ERC1: variants seen among roughly 807,000 people sequenced by gnomAD.
ERC1 encodes ELKS/RAB6-interacting/CAST family member 1.
ERC1 carries 56 observed loss-of-function variants against 132.0 expected under a neutral mutation model. That is an observed-to-expected ratio of 0.42 (90% confidence interval 0.34 to 0.53). The LOEUF is 0.53. Ranked by LOEUF, ERC1 falls within the 20% of genes least tolerant of loss-of-function variation. The pLI is 0.03. For synonymous variants in ERC1, 478 were observed against 476.1 expected (o/e 1.00, Z -0.05); for missense variants, 1,202 against 1,349.9 (o/e 0.89, Z 1.72).
chr12:1,037,264 A>G (rs1027783796), intron 2 of ERC1, among the ~76,000 whole-genome samples: 2 of 152,204 alleles, frequency 1.3e-5, no homozygotes, highest in Non-Finnish European at 2.9e-5. Context: ...AGTGCAGTGT[A>G]GTGTGTGATC....
At chr12:1,163,437 CA>C (rs1409671878) in intron 8 of ERC1, among the ~76,000 whole-genome samples, 2 of 152,106 alleles carry the variant, frequency 1.3e-5, no homozygotes, top group Non-Finnish European at 2.9e-5. Context: ...GTGATTAAAA[CA>C]ACAATAAAAT....
At chr12:1,278,030 A>G (rs530516057) in intron 14 of ERC1, among the ~76,000 whole-genome samples, 10 of 152,140 alleles carry the variant, frequency 6.6e-5, no homozygotes, top group Non-Finnish European at 1.5e-5. Flanking sequence ...GTGGCTGGTT[A>G]TGAAATCAGT....
intron 2 of ERC1, among the ~76,000 whole-genome samples, chr12:1,062,710 T>C (rs1173987233): frequency 1.3e-5 from 2 of 152,228 alleles, no homozygotes; most frequent in Non-Finnish European, 2.9e-5. Context: ...GTTCTATGAA[T>C]GCCTGTTAGT....
At chr12:1,441,325 T>C (rs998874141) in intron 17 of ERC1, among the ~76,000 whole-genome samples, 4 of 152,004 alleles carry the variant, frequency 2.6e-5, no homozygotes, top group African/African-American at 9.7e-5. Context: ...CCTCCCAAAG[T>C]GCTGGGATTA....
chr12:1,427,301 C>T (rs2092671422), intron 17 of ERC1, among the ~76,000 whole-genome samples: 1 of 152,166 alleles, frequency 6.6e-6, no homozygotes, highest in Admixed American at 6.5e-5. Flanking sequence ...CGATGCCTAT[C>T]AGAACTTTTA....
chr12:1,093,957 C>CTCTATATATATA, intron 3 of ERC1, among the ~76,000 whole-genome samples: 1 of 68,888 alleles, frequency 1.5e-5, no homozygotes, highest in East Asian at 6.4e-4. Context: ...ATATATTTTT[C>CTCTATATATATA]TATATATATA....
intron 1 of ERC1, among the ~76,000 whole-genome samples, chr12:1,026,315 C>T (rs1268915283): frequency 1.3e-5 from 2 of 152,172 alleles, no homozygotes; most frequent in South Asian, 2.1e-4. Context: ...GTTAAGTACA[C>T]CTGGCCCCAC....
rs552660607 is a variant in ERC1, at chr12:1,426,401, G to A, written c.3024+18154G>A. Among the ~76,000 whole-genome samples the A allele has an allele frequency of 9.9e-5, 15 of 152,206 alleles. No homozygotes were observed. The South Asian group carries it at 1.0e-3, about 11-fold the overall frequency. ...ATTACAGGTATGAGCCACTTTGCCC[G>A]GCCTTTAGAACATTCTTTACAAGTA... On this transcript the variant is annotated intron_variant, in intron 17 of 18. Transcript: ENST00000360905.
chr12:1,400,914 G>GTTTTTTTTTTTTTTTTTTTTTT (rs1566774897), intron 16 of ERC1, among the ~76,000 whole-genome samples: 1 of 11,120 alleles, frequency 9.0e-5, no homozygotes, highest in Non-Finnish European at 1.5e-4. Context: ...GGCTATTTTT[G>GTTTTTTTTTTTTTTTTTTTTTT]TATTTTTTTT....
intron 14 of ERC1, among the ~76,000 whole-genome samples, chr12:1,269,747 C>T (rs1269333160): frequency 6.6e-6 from 1 of 152,170 alleles, no homozygotes; most frequent in Non-Finnish European, 1.5e-5. Context: ...CACAGGCTCT[C>T]AGCCTCTAAA....
intron 1 of ERC1, among the ~76,000 whole-genome samples, chr12:1,019,977 A>G (rs1397516755): frequency 6.7e-6 from 1 of 149,846 alleles, no homozygotes; most frequent in Non-Finnish European, 1.5e-5. Flanking sequence ...CTGGTCTTGA[A>G]CTCCTAGACT....
At chr12:1,339,062 G>A (rs115768454) in intron 15 of ERC1, among the ~76,000 whole-genome samples, 1 of 152,220 alleles carries the variant, frequency 6.6e-6, no homozygotes, top group Non-Finnish European at 1.5e-5. Context: ...CAGAGTGCAC[G>A]CTGGACAACT....
At chr12:1,304,373 A>T (rs925421298) in intron 15 of ERC1, among the ~76,000 whole-genome samples, 1 of 152,146 alleles carries the variant, frequency 6.6e-6, no homozygotes, top group African/African-American at 2.4e-5. Flanking sequence ...GCCTCCCCCA[A>T]CAGTAGACTT....
intron 15 of ERC1, among the ~76,000 whole-genome samples, chr12:1,300,742 C>G (rs7973924): frequency 0.21 from 31,533 of 152,000 alleles, 3,834 homozygotes; most frequent in Non-Finnish European, 0.27. Flanking sequence ...CAAATCAAAA[C>G]CACAATGAGA....
At chr12:1,297,194 G>C (rs1419830185) in intron 15 of ERC1, among the ~76,000 whole-genome samples, 1 of 120,694 alleles carries the variant, frequency 8.3e-6, no homozygotes, top group Admixed American at 7.8e-5. Context: ...TTCTTTCAGG[G>C]TACTAAAAAA....
At chr12:1,420,740 C>T (rs897170058) in intron 17 of ERC1, among the ~76,000 whole-genome samples, 9 of 152,148 alleles carry the variant, frequency 5.9e-5, no homozygotes, top group Admixed American at 3.3e-4. Flanking sequence ...CAGGCATGAG[C>T]CACCATGCCT....
At chr12:1,453,561 AC>A (rs1212582809) in intron 18 of ERC1, among the ~76,000 whole-genome samples, 1 of 152,192 alleles carries the variant, frequency 6.6e-6, no homozygotes, top group African/African-American at 2.4e-5. Flanking sequence ...GCAATCTTAA[AC>A]ATGCATATTT....
intron 11 of ERC1, among the ~76,000 whole-genome samples, chr12:1,184,813 C>T (rs1391284260): frequency 6.6e-6 from 1 of 152,014 alleles, no homozygotes; most frequent in South Asian, 2.1e-4. Context: ...AGTGCAGTGG[C>T]GTAATCATAG....
At chr12:1,132,087 A>G (rs1189926949) in intron 7 of ERC1, among the ~76,000 whole-genome samples, 1 of 152,220 alleles carries the variant, frequency 6.6e-6, no homozygotes, top group Non-Finnish European at 1.5e-5. Context: ...GCAAAATTAT[A>G]CTACAAATTT....
Sources: gnomAD v4.1 joint callset for allele counts (sites outside exome capture counted in the v4.1 genomes callset) on GRCh38, gnomAD v4.1.1 for gene constraint, MANE v1.5 for transcripts, NCBI Gene and HGNC (gene_info 2026-07-23, HGNC 2026-07-21) for gene names.